OTUB2: variants seen among roughly 807,000 people sequenced by gnomAD.
OTUB2 encodes OTU deubiquitinase, ubiquitin aldehyde binding 2.
A neutral mutation model predicts 25.1 loss-of-function variants in OTUB2; 21 were observed. The observed-to-expected ratio is 0.84, with a 90% confidence interval of 0.59 to 1.21. OTUB2 has a LOEUF of 1.21. Among genes scored for constraint, OTUB2 ranks in the 50% most tolerant of loss-of-function variants. The pLI is 0.00. For missense variants in OTUB2, 283 were observed against 298.0 expected (o/e 0.95, Z 0.37); for synonymous variants, 122 against 122.8 (o/e 0.99, Z 0.04).
chr14:94,029,962 C>T (rs900312851), intron 1 of OTUB2, among the ~76,000 whole-genome samples: 1 of 152,182 alleles, frequency 6.6e-6, no homozygotes, highest in African/African-American at 2.4e-5. Flanking sequence ...AGGAAGAATC[C>T]AGGTCAAAGG....
rs1357372856 is a variant in OTUB2, at chr14:94,037,416, GAC to G, written c.42_43del (p.Ile15SerfsTer9). On this transcript the variant is annotated frameshift_variant, in exon 2 of 6. Transcript: ENST00000203664. LOFTEE classifies it high-confidence loss of function. Reference sequence around the variant, plus strand: ...TTTCAACCTAATATCAGAAAAATGTGACATTCTATCCATTCTTCGGGACCATC... The same window carrying G: ...TTTCAACCTAATATCAGAAAAATGTGATTCTATCCATTCTTCGGGACCATC... ...TSFNLISEKC[D>X]ILSILRDHPE... The G allele has an allele frequency of 3.7e-6, 6 of 1,604,116 alleles. No individual in the cohort carries two copies. The highest frequency in any genetic ancestry group is 5.1e-6 in the Non-Finnish European group (6 of 1,171,372).
At chr14:94,044,335 G>A (rs569073258) in intron 4 of OTUB2, among the ~76,000 whole-genome samples, 1 of 152,178 alleles carries the variant, frequency 6.6e-6, no homozygotes, top group Non-Finnish European at 1.5e-5. Context: ...CCAAACCCAG[G>A]TAGTCATGGT....
intron 1 of OTUB2, among the ~76,000 whole-genome samples, chr14:94,033,192 G>A (rs543011604): frequency 3.3e-5 from 5 of 152,228 alleles, no homozygotes; most frequent in Non-Finnish European, 7.4e-5. Flanking sequence ...TTACAGAGGT[G>A]AGCCACCGAG....
Position 94,046,060 on chromosome 14 carries a change from C to T in OTUB2, c.*138C>T, listed in dbSNP as rs886865076. ...GCCTTTTGGGCAAAGCCCCTGGGAACGAGGCCTATCCACTATGGACTATGG... is the reference window on the plus strand; with the variant it reads ...GCCTTTTGGGCAAAGCCCCTGGGAATGAGGCCTATCCACTATGGACTATGG... On this transcript the variant is annotated 3_prime_UTR_variant, in exon 6 of 6. Coordinates refer to ENST00000203664, the MANE Select transcript of OTUB2 (RefSeq NM_023112.4). 2.1e-5 allele frequency: 19 copies of T among 904,808 alleles called. No homozygotes were observed. The highest frequency in any genetic ancestry group is 2.7e-5 in the Non-Finnish European group (16 of 586,984). 56.0% of individuals were successfully genotyped at this position (904,808 alleles called of 1,614,324 possible). A position where few individuals can be genotyped will look rare whatever the true frequency, so the allele number is the denominator to read the frequency against.
chr14:94,030,160 G>A (rs1000232721), intron 1 of OTUB2, among the ~76,000 whole-genome samples: 2 of 152,216 alleles, frequency 1.3e-5, no homozygotes, highest in Non-Finnish European at 2.9e-5. Context: ...GCTGCTTGTG[G>A]AGAATGGGCT....
chr14:94,044,713 G>A lies in OTUB2; in HGVS notation c.431G>A (p.Arg144Lys), dbSNP rs770450842. The change falls in exon 5 of 6, where the codon AGG (arginine) becomes AAG (lysine). Residue 144 changes from arginine to lysine, a missense_variant. Coordinates refer to ENST00000203664, the MANE Select transcript of OTUB2 (RefSeq NM_023112.4). Reference protein sequence around the residue: ...FLRLLTSAFIRNRADFFRHFI... With the variant: ...FLRLLTSAFIKNRADFFRHFI... ...CGCCTGCTCACGTCGGCCTTCATCA[G>A]GAACCGAGCAGACTTCTTCCGGCAC... is the stretch of plus-strand genomic sequence containing the variant. 9.9e-6 allele frequency: 16 copies of A among 1,614,028 alleles called. No individual in the cohort carries two copies. Among genetic ancestry groups the A allele is most frequent in the Non-Finnish European group, 1.4e-5 (16 of 1,180,038 alleles).
At position 94,048,207 on chromosome 14, in the gene OTUB2, TC is replaced by T. The variant is rs1294788382; in HGVS notation, c.*2287del. 6.6e-6 allele frequency: 1 copy of T among 152,200 alleles called. No homozygotes were observed. Among genetic ancestry groups the T allele is most frequent in the Non-Finnish European group, 1.5e-5 (1 of 68,044 alleles). The allele number at this position is 152,200 out of a possible 1,614,324, so 9.4% of individuals were successfully genotyped here. ...GCCAGTCACCCTGGCCAGTCCCACT[TC>T]CTGGATAATTCTCTACCCTCACCCC... is the stretch of plus-strand genomic sequence containing the variant. On this transcript the variant is annotated 3_prime_UTR_variant, in exon 6 of 6. Coordinates refer to ENST00000203664, the MANE Select transcript of OTUB2 (RefSeq NM_023112.4).
rs1595370249 is a variant in OTUB2 at position 94,047,747 on chromosome 14, C to G, written c.*1825C>G. 6.6e-6 allele frequency: 1 copy of G among 152,368 alleles called. No homozygotes were observed. Among genetic ancestry groups the G allele is most frequent in the East Asian group, 1.9e-4 (1 of 5,186 alleles). 9.4% of individuals were successfully genotyped at this position (152,368 alleles called of 1,614,324 possible). On this transcript the variant is annotated 3_prime_UTR_variant, in exon 6 of 6. Transcript: ENST00000203664. ...CTTCCAGCTAGGCTCTCAAGCACAG[C>G]AGAAGCCTCACTGGGCTGCTATGTC...
intron 1 of OTUB2, among the ~76,000 whole-genome samples, chr14:94,035,210 C>T (rs1885028853): frequency 1.3e-5 from 2 of 152,088 alleles, no homozygotes; most frequent in South Asian, 4.1e-4. Flanking sequence ...CTTCCCACCC[C>T]CCAAGTGTTT....
Position 94,046,137 on chromosome 14 carries a change from T to C in OTUB2, c.*215T>C. 1 of 638,502 alleles carries C rather than the reference T, an allele frequency of 1.6e-6. No homozygotes were observed. Among genetic ancestry groups the C allele is most frequent in the South Asian group, 2.0e-5 (1 of 50,312 alleles). 39.6% of individuals were successfully genotyped at this position (638,502 alleles called of 1,614,324 possible). On this transcript the variant is annotated 3_prime_UTR_variant, in exon 6 of 6. Coordinates refer to ENST00000203664, the MANE Select transcript of OTUB2 (RefSeq NM_023112.4). ...TTTTAATGGAGGGACAAATGCTTTC[T>C]AACTGGGCCCCCGACTCCGCACCCC... is the stretch of plus-strand genomic sequence containing the variant.
chr14:94,028,559 A>C (rs1170859817), intron 1 of OTUB2, among the ~76,000 whole-genome samples: 2 of 152,254 alleles, frequency 1.3e-5, no homozygotes, highest in Non-Finnish European at 2.9e-5. Context: ...TGTTTGACGA[A>C]TGAATGAGTC....
Position 94,026,345 on chromosome 14 carries a change from G to A in OTUB2, c.-193G>A, listed in dbSNP as rs1884857421. 3 of 1,224,966 alleles carry A rather than the reference G, an allele frequency of 2.4e-6. No individual in the cohort carries two copies. The highest frequency in any genetic ancestry group is 8.5e-5 in the Admixed American group (2 of 23,434). 75.9% of individuals were successfully genotyped at this position (1,224,966 alleles called of 1,614,324 possible). On this transcript the variant is annotated 5_prime_UTR_variant, in exon 1 of 6. It adds an upstream start codon to the 5' untranslated region. Transcript: ENST00000203664. ...CCGCCTGAGACGTCAATCGCAGGGCGTGTGTCTTGCTGGGACACAGTGGAG... is the reference window on the plus strand; with the variant it reads ...CCGCCTGAGACGTCAATCGCAGGGCATGTGTCTTGCTGGGACACAGTGGAG...
chr14:94,034,626 C>G (rs1885017035), intron 1 of OTUB2, among the ~76,000 whole-genome samples: 2 of 152,232 alleles, frequency 1.3e-5, no homozygotes, highest in African/African-American at 2.4e-5. Flanking sequence ...CTCCCTGAGC[C>G]TAGCACATAG....
intron 3 of OTUB2, among the ~76,000 whole-genome samples, chr14:94,043,218 G>C (rs1011144627): frequency 6.6e-6 from 1 of 152,208 alleles, no homozygotes; most frequent in Non-Finnish European, 1.5e-5. Context: ...CTGCCTCCTG[G>C]GTGCTGTCAG....
intron 1 of OTUB2, 33 bp downstream of exon 1, chr14:94,026,573 CG>C (rs766425944): frequency 1.9e-5 from 10 of 524,412 alleles, no homozygotes; most frequent in Non-Finnish European, 2.6e-5. Context: ...GAAGGGGGAG[CG>C]GGCAGGGGGC....
At position 94,047,282 on chromosome 14, in the gene OTUB2, G is replaced by A. The variant is rs1885297309; in HGVS notation, c.*1360G>A. 1 of 152,222 alleles carries A rather than the reference G, an allele frequency of 6.6e-6. No individual in the cohort carries two copies. Among genetic ancestry groups the A allele is most frequent in the Non-Finnish European group, 1.5e-5 (1 of 68,054 alleles). The allele number at this position is 152,222 out of a possible 1,614,324, so 9.4% of individuals were successfully genotyped here. A position where few individuals can be genotyped will look rare whatever the true frequency, so the allele number is the denominator to read the frequency against. ...TGCTGCATGAGTCTGCTGACAACCT[G>A]ACTGCACAAGGACTGGGTAGCAGAC... On this transcript the variant is annotated 3_prime_UTR_variant, in exon 6 of 6. Coordinates refer to ENST00000203664, the MANE Select transcript of OTUB2 (RefSeq NM_023112.4).
At chr14:94,026,950 C>T (rs956842784) in intron 1 of OTUB2, among the ~76,000 whole-genome samples, 3 of 152,338 alleles carry the variant, frequency 2.0e-5, no homozygotes, top group South Asian at 2.1e-4. Flanking sequence ...ACGGCTCGGC[C>T]GTCAAAGACC....
At chr14:94,034,242 G>C (rs917260579) in intron 1 of OTUB2, among the ~76,000 whole-genome samples, 2 of 152,220 alleles carry the variant, frequency 1.3e-5, no homozygotes, top group African/African-American at 2.4e-5. Context: ...TTCCACCTGT[G>C]ATGAGCACGT....
intron 1 of OTUB2, 42 bp downstream of exon 1, chr14:94,026,582 G>A: frequency 1.6e-6 from 2 of 1,229,786 alleles, no homozygotes; most frequent in Non-Finnish European, 2.0e-6. Context: ...GCGGGCAGGG[G>A]GCGCGGTGGG....
Sources: gnomAD v4.1 joint callset for allele counts (sites outside exome capture counted in the v4.1 genomes callset) on GRCh38, gnomAD v4.1.1 for gene constraint, MANE v1.5 for transcripts, NCBI Gene and HGNC (gene_info 2026-07-23, HGNC 2026-07-21) for gene names.